Variants in OR1A1 observed in about 807,000 individuals in gnomAD.
OR1A1 encodes the protein olfactory receptor family 1 subfamily A member 1, also known as olfactory receptor 1A1.
For missense variants in OR1A1, 391 were observed against 379.9 expected (o/e 1.03, Z -0.24); for synonymous variants, 145 against 147.8 (o/e 0.98, Z 0.13).
intron 2 of OR1A1, among the ~76,000 whole-genome samples, chr17:3,211,298 T>C (rs2048440330): frequency 6.6e-6 from 1 of 152,018 alleles, no homozygotes; most frequent in Non-Finnish European, 1.5e-5. Context: ...TCACTTTCTT[T>C]CCTCAAATTG....
Position 3,216,735 on chromosome 17 carries a change from C to T in OR1A1, c.*185C>T. 1.8e-6 allele frequency: 1 copy of T among 549,302 alleles called. No individual in the cohort carries two copies. The highest frequency in any genetic ancestry group is 2.9e-5 in the South Asian group (1 of 34,510). 34.0% of individuals were successfully genotyped at this position (549,302 alleles called of 1,614,324 possible). On this transcript the variant is annotated 3_prime_UTR_variant, in exon 4 of 4. Coordinates refer to ENST00000641732, the MANE Select transcript of OR1A1 (RefSeq NM_014565.3). The stretch of plus-strand genomic sequence containing the variant: ...TGATTATTGAAATTACCACTTTCAA[C>T]TCATTGCTGCTCTTTTTGGCAGAGT...
rs2048426339 is a variant in OR1A1, at chr17:3,208,933, A to T, written c.-204A>T. On this transcript the variant is annotated 5_prime_UTR_variant, in exon 2 of 4. Coordinates refer to ENST00000641732, the MANE Select transcript of OR1A1 (RefSeq NM_014565.3). ...GCTCCATCGCTGTCCTCTGGACCAA[A>T]TCATCACAGAACATGTGAAATAACA... 6.6e-6 allele frequency: 1 copy of T among 152,206 alleles called. No individual in the cohort carries two copies. The highest frequency in any genetic ancestry group is 2.1e-4 in the South Asian group (1 of 4,822). 9.4% of individuals were successfully genotyped at this position (152,206 alleles called of 1,614,324 possible).
At chr17:3,212,954 T>A (rs1264065574) in intron 3 of OR1A1, 1 of 152,160 alleles carries the variant, frequency 6.6e-6, no homozygotes, top group African/African-American at 2.4e-5. Context: ...GGACCAGGTG[T>A]GTCATTAGCA....
chr17:3,209,612 A>C (rs995275546), intron 2 of OR1A1, among the ~76,000 whole-genome samples: 4 of 152,168 alleles, frequency 2.6e-5, no homozygotes, highest in Non-Finnish European at 5.9e-5. Context: ...CTACAAATCC[A>C]ATTTTTAAAA....
chr17:3,208,743 G>A lies in OR1A1; in HGVS notation c.-394G>A, dbSNP rs1415257917. ...AGCATGCATGTTGAGGCACCTCCTG[G>A]CTTCTCTTCTTGGTGGTAGAGGGTC... On this transcript the variant is annotated 5_prime_UTR_variant, in exon 2 of 4. Transcript: ENST00000641732. 1 of 152,136 alleles carries A rather than the reference G, an allele frequency of 6.6e-6. No homozygotes were observed. The highest frequency in any genetic ancestry group is 1.5e-5 in the Non-Finnish European group (1 of 68,092). 9.4% of individuals were successfully genotyped at this position (152,136 alleles called of 1,614,324 possible). A position where few individuals can be genotyped will look rare whatever the true frequency, so the allele number is the denominator to read the frequency against.
intron 2 of OR1A1, among the ~76,000 whole-genome samples, chr17:3,210,716 G>A (rs144611045): frequency 0.024 from 3,573 of 151,948 alleles, 134 homozygotes; most frequent in African/African-American, 0.081. Context: ...AGTGATTCTC[G>A]TGCCTCAGCC....
chr17:3,216,562 G>T lies in OR1A1; in HGVS notation c.*12G>T. On this transcript the variant is annotated 3_prime_UTR_variant, in exon 4 of 4. Transcript: ENST00000641732. ...GAATCTCCTCGTAACCAATGTGAGG[G>T]CCTACATTGGATACCGTAGTCACCA... 1 of 1,589,700 alleles carries T rather than the reference G, an allele frequency of 6.3e-7. No homozygotes were observed.
At position 3,217,660 on chromosome 17, in the gene OR1A1, A is replaced by G. The variant is rs960382292; in HGVS notation, c.*1110A>G. ...CCATCTGATCTTTGACAAACCTGAC[A>G]AAAACAAGAAATGGGGAAAGGATTC... On this transcript the variant is annotated 3_prime_UTR_variant, in exon 4 of 4. Coordinates refer to ENST00000641732, the MANE Select transcript of OR1A1 (RefSeq NM_014565.3). The G allele has an allele frequency of 6.6e-6, 1 of 152,190 alleles. No homozygotes were observed. The highest frequency in any genetic ancestry group is 1.5e-5 in the Non-Finnish European group (1 of 68,038). 9.4% of individuals were successfully genotyped at this position (152,190 alleles called of 1,614,324 possible).
In OR1A1 at chr17:3,215,853, T is replaced by A. The variant is rs1019882976; in HGVS notation, c.233T>A (p.Ile78Asn). Residue 78 changes from isoleucine to asparagine, a missense_variant, in exon 4 of 4, where the codon ATC (isoleucine) becomes AAC (asparagine). Ile to Asn is a moderately radical substitution (Grantham distance 149). Coordinates refer to ENST00000641732, the MANE Select transcript of OR1A1 (RefSeq NM_014565.3). ...LVDIFFSSVT[I>N]PKMLANHLLG... ...GACATCTTCTTCTCATCGGTAACCA[T>A]CCCTAAGATGCTGGCCAACCATCTC... 1 of 1,614,020 alleles carries A rather than the reference T, an allele frequency of 6.2e-7. No homozygotes were observed. The highest frequency in any genetic ancestry group is 8.5e-7 in the Non-Finnish European group (1 of 1,180,042).
chr17:3,213,024 G>C (rs1313388569), intron 3 of OR1A1: 1 of 152,258 alleles, frequency 6.6e-6, no homozygotes, highest in Non-Finnish European at 1.5e-5. Flanking sequence ...TGAATTTCTG[G>C]TAGCCCCCAC....
chr17:3,216,080 G>A lies in OR1A1; in HGVS notation c.460G>A (p.Ala154Thr), dbSNP rs756834855. 4 of 1,613,990 alleles carry A rather than the reference G, an allele frequency of 2.5e-6. No homozygotes were observed. The highest frequency in any genetic ancestry group is 2.2e-5 in the South Asian group (2 of 91,074). Residue 154 changes from alanine to threonine, a missense_variant, in exon 4 of 4, where the codon GCC (alanine) becomes ACC (threonine). Transcript: ENST00000641732. ...TGCTGGGTCTTGGGTGATTGGAAAT[G>A]CCAATGCCCTCCCCCACACTCTGCT... ...LIAGSWVIGN[A>T]NALPHTLLTA...
intron 3 of OR1A1, chr17:3,214,771 C>T (rs2048458607): frequency 6.6e-6 from 1 of 151,886 alleles, no homozygotes; most frequent in African/African-American, 2.4e-5. Flanking sequence ...GCTTGAGTCA[C>T]CCAAAGAAAT....
chr17:3,210,343 G>T (rs1398842920), intron 2 of OR1A1, among the ~76,000 whole-genome samples: 6 of 152,086 alleles, frequency 3.9e-5, no homozygotes, highest in African/African-American at 1.4e-4. Context: ...CTGGGTCAGA[G>T]ATGTGTGAAT....
chr17:3,215,944 T>C lies in OR1A1; in HGVS notation c.324T>C (p.Gly108=). 1 of 1,614,148 alleles carries C rather than the reference T, an allele frequency of 6.2e-7. No individual in the cohort carries two copies. Among genetic ancestry groups the C allele is most frequent in the African/African-American group, 1.3e-5 (1 of 75,042 alleles). ...LTQMYFMIAL[G]NTDSYILAAM... is the part of the protein sequence containing the mutation. ...AGATGTATTTCATGATAGCCTTGGGTAACACAGACAGCTATATTTTGGCTG... is the reference window on the plus strand; with the variant it reads ...AGATGTATTTCATGATAGCCTTGGGCAACACAGACAGCTATATTTTGGCTG... Residue 108 remains glycine, a synonymous_variant, in exon 4 of 4, where the codon GGT becomes GGC. Coordinates refer to ENST00000641732, the MANE Select transcript of OR1A1 (RefSeq NM_014565.3).
In OR1A1 at chr17:3,207,934, G is replaced by C. The variant is rs1179463340; in HGVS notation, c.-623G>C. On this transcript the variant is annotated 5_prime_UTR_variant, in exon 1 of 4. Transcript: ENST00000641732. ...TCCACAGATAGGGACTTAGACATTG[G>C]AAGAGACTGTATCACAGCAACATCA... 3.3e-5 allele frequency: 5 copies of C among 152,218 alleles called. No individual in the cohort carries two copies. The highest frequency in any genetic ancestry group is 7.3e-5 in the Non-Finnish European group (5 of 68,058). The allele number at this position is 152,218 out of a possible 1,614,324, so 9.4% of individuals were successfully genotyped here.
intron 2 of OR1A1, among the ~76,000 whole-genome samples, chr17:3,211,228 AC>A (rs939220569): frequency 6.6e-6 from 1 of 151,994 alleles, no homozygotes; most frequent in African/African-American, 2.4e-5. Flanking sequence ...ACTCACTATT[AC>A]TCCGATGTTT....
chr17:3,216,591 A>G lies in OR1A1; in HGVS notation c.*41A>G. 1 of 1,470,400 alleles carries G rather than the reference A, an allele frequency of 6.8e-7. No homozygotes were observed. The highest frequency in any genetic ancestry group is 9.3e-7 in the Non-Finnish European group (1 of 1,077,304). 91.1% of individuals were successfully genotyped at this position (1,470,400 alleles called of 1,614,324 possible). ...ACATTGGATACCGTAGTCACCAGTT[A>G]CGGTATATTGGAAATCCAGTTCTGA... On this transcript the variant is annotated 3_prime_UTR_variant, in exon 4 of 4. Transcript: ENST00000641732.
At chr17:3,214,860 A>G (rs534494319) in intron 3 of OR1A1, 4 of 144,442 alleles carry the variant, frequency 2.8e-5, no homozygotes, top group Non-Finnish European at 6.1e-5. Flanking sequence ...GAGAGAAAAA[A>G]AACCAACAAC....
At chr17:3,209,062 G>A (rs2048427389) in intron 2 of OR1A1, 64 bp downstream of exon 2, 1 of 151,946 alleles carries the variant, frequency 6.6e-6, no homozygotes. Context: ...TAAGTTACTG[G>A]GGTACAGGTG....
Sources: allele counts gnomAD v4.1 joint callset (sites outside exome capture counted in the v4.1 genomes callset), GRCh38; gene constraint gnomAD v4.1.1; transcripts MANE v1.5; gene names NCBI Gene and HGNC (gene_info 2026-07-23, HGNC 2026-07-21).